CEP126: variants seen among roughly 807,000 people sequenced by gnomAD.
The protein encoded by CEP126 is centrosomal protein of 126 kDa.
A neutral mutation model predicts 107.8 loss-of-function variants in CEP126; 74 were observed. That is an observed-to-expected ratio of 0.69 (90% CI 0.57 to 0.83). The LOEUF is 0.83. Among genes scored for constraint, CEP126 ranks in the 40% least tolerant of loss-of-function variants. The probability of loss-of-function intolerance (pLI) is 0.00; values close to 1 mark genes in which losing one functional copy is unlikely to be tolerated. For synonymous variants in CEP126, 449 were observed against 446.0 expected (o/e 1.01, Z -0.08); for missense variants, 1,237 against 1,281.9 (o/e 0.96, Z 0.53).
chr11:101,969,605 AT>A (rs1170755634), intron 6 of CEP126, among the ~76,000 whole-genome samples: 2 of 152,232 alleles, frequency 1.3e-5, no homozygotes, highest in African/African-American at 4.8e-5. Flanking sequence ...TTCCAATAGG[AT>A]TTTTGTGAAA....
rs1046825595 is a variant in CEP126 at position 101,986,761 on chromosome 11, T to G, written c.3035-71T>G. On this transcript the variant is annotated intron_variant, in intron 8 of 10. Coordinates refer to ENST00000263468, the MANE Select transcript of CEP126 (RefSeq NM_020802.4). ...AGACAGTTAAGCATGTATAAGTATA[T>G]GTAAGTATATATAAGGGCTGATCTC... 8.5e-6 allele frequency: 9 copies of G among 1,060,458 alleles called. No individual in the cohort carries two copies. In the African/African-American group the frequency reaches 9.5e-5, roughly 11 times the overall value. 65.7% of individuals were successfully genotyped at this position (1,060,458 alleles called of 1,614,324 possible). A position where few individuals can be genotyped will look rare whatever the true frequency, so the allele number is the denominator to read the frequency against.
intron 10 of CEP126, 85 bp downstream of exon 10, chr11:101,992,927 T>A (rs1457986082): frequency 8.2e-7 from 1 of 1,212,198 alleles, no homozygotes; most frequent in African/African-American, 1.6e-5. Context: ...GAACCCCGTA[T>A]TAATATTAAT....
Position 101,997,491 on chromosome 11 carries a change from T to C in CEP126, c.3310-108T>C. 7.8e-6 allele frequency: 12 copies of C among 1,547,836 alleles called. No individual in the cohort carries two copies. In the South Asian group the frequency reaches 9.5e-5, roughly 12 times the overall value. The stretch of plus-strand genomic sequence containing the variant: ...ATCTTAAACTCATTACCTGGGAGAA[T>C]GATGTCAGGATGTGTTGAATATGCC... On this transcript the variant is annotated intron_variant, in intron 10 of 10. Coordinates refer to ENST00000263468, the MANE Select transcript of CEP126 (RefSeq NM_020802.4).
At chr11:101,952,269 C>G (rs1434984539) in intron 4 of CEP126, among the ~76,000 whole-genome samples, 1 of 152,064 alleles carries the variant, frequency 6.6e-6, no homozygotes, top group Non-Finnish European at 1.5e-5. Context: ...GGAAAAGAAG[C>G]CGTGAGTTAG....
At chr11:101,976,772 T>G (rs1374191958) in intron 6 of CEP126, among the ~76,000 whole-genome samples, 1 of 152,182 alleles carries the variant, frequency 6.6e-6, no homozygotes, top group Non-Finnish European at 1.5e-5. Flanking sequence ...GCTCAGAAGG[T>G]TAACTACTCT....
At chr11:101,990,225 T>C (rs1005146406) in intron 9 of CEP126, among the ~76,000 whole-genome samples, 3 of 152,024 alleles carry the variant, frequency 2.0e-5, no homozygotes, top group East Asian at 1.9e-4. Context: ...ATGAGGCAAA[T>C]AGGAGGCAGA....
In CEP126 at chr11:102,000,298, T is replaced by C. The variant is rs1158841740; in HGVS notation, c.*2655T>C. On this transcript the variant is annotated 3_prime_UTR_variant, in exon 11 of 11. Transcript: ENST00000263468. The stretch of plus-strand genomic sequence containing the variant: ...CTTCAAGTTCTAAGGAAGAAAAGAG[T>C]CTCCTTTCGAATGTGAAGAAGTAAA... 6.6e-6 allele frequency: 1 copy of C among 151,582 alleles called. No homozygotes were observed. The highest frequency in any genetic ancestry group is 1.5e-5 in the Non-Finnish European group (1 of 67,902). 9.4% of individuals were successfully genotyped at this position (151,582 alleles called of 1,614,324 possible).
intron 10 of CEP126, among the ~76,000 whole-genome samples, chr11:101,995,352 C>T (rs1941430330): frequency 6.6e-6 from 1 of 152,068 alleles, no homozygotes; most frequent in Non-Finnish European, 1.5e-5. Context: ...ACTAACTTCA[C>T]ATAGAAACAT....
intron 6 of CEP126, among the ~76,000 whole-genome samples, chr11:101,969,977 A>G (rs1175551562): frequency 6.6e-6 from 1 of 152,208 alleles, no homozygotes; most frequent in Non-Finnish European, 1.5e-5. Context: ...TTGGAAGCTA[A>G]TATAGGTAAT....
intron 10 of CEP126, among the ~76,000 whole-genome samples, chr11:101,995,094 A>G (rs1009022649): frequency 6.6e-6 from 1 of 151,662 alleles, no homozygotes; most frequent in African/African-American, 2.4e-5. Context: ...TCATTGTTCA[A>G]CTCCCACTTA....
chr11:101,933,324 A>G (rs574610352), intron 2 of CEP126, among the ~76,000 whole-genome samples: 2 of 152,300 alleles, frequency 1.3e-5, no homozygotes, highest in Admixed American at 1.3e-4. Context: ...AATTCGTGTT[A>G]CATGTGGAAG....
At chr11:101,945,667 T>G (rs1591277269) in intron 3 of CEP126, among the ~76,000 whole-genome samples, 1 of 152,162 alleles carries the variant, frequency 6.6e-6, no homozygotes, top group East Asian at 1.9e-4. Flanking sequence ...AGAAGGATCA[T>G]CTGTCACTCG....
rs761812843 is a variant in CEP126 at position 101,915,236 on chromosome 11, C to A, written c.-49C>A. 12 of 1,607,956 alleles carry A rather than the reference C, an allele frequency of 7.5e-6. No homozygotes were observed. The highest frequency in any genetic ancestry group is 9.3e-6 in the Non-Finnish European group (11 of 1,177,068). On this transcript the variant is annotated 5_prime_UTR_variant, in exon 1 of 11. Transcript: ENST00000263468. ...AGGAGGAGGAGGAAGCCGGAGCTGCCATGAGGGAGGTTCTGGGGGCGAGCA... is the reference window on the plus strand; with the variant it reads ...AGGAGGAGGAGGAAGCCGGAGCTGCAATGAGGGAGGTTCTGGGGGCGAGCA...
chr11:101,966,084 G>C (rs1196386281), intron 6 of CEP126, among the ~76,000 whole-genome samples: 2 of 152,146 alleles, frequency 1.3e-5, no homozygotes, highest in African/African-American at 2.4e-5. Context: ...TTAGTCAAAG[G>C]AGGTAGTTCT....
At chr11:101,938,171 A>AAAAAAAAAAAAAAAAAAAC (rs1307777067) in intron 2 of CEP126, among the ~76,000 whole-genome samples, 2 of 144,522 alleles carry the variant, frequency 1.4e-5, no homozygotes, top group African/African-American at 5.1e-5. Context: ...AAAAAAAAAA[A>AAAAAAAAAAAAAAAAAAAC]AAAAATACAA....
At chr11:101,944,135 T>C in intron 2 of CEP126, 130 bp from the exon 3 acceptor site, 2 of 870,502 alleles carry the variant, frequency 2.3e-6, no homozygotes. Context: ...TTTTAAAAAA[T>C]TTAAAATTTG....
At chr11:101,977,218 A>G (rs1941201320) in intron 6 of CEP126, among the ~76,000 whole-genome samples, 1 of 152,130 alleles carries the variant, frequency 6.6e-6, no homozygotes, top group Admixed American at 6.6e-5. Context: ...ATTATGTGGC[A>G]AAGAGTTTGT....
In CEP126 at chr11:101,986,671, T is replaced by A. The variant is rs139662120; in HGVS notation, c.3035-161T>A. On this transcript the variant is annotated intron_variant, in intron 8 of 10. Transcript: ENST00000263468. ...GGATAGGAAAATGCTAGATAGAGGA[T>A]CCTGATAAATGAAATCAAAGTAGCA... is the stretch of plus-strand genomic sequence containing the variant. Among the ~76,000 whole-genome samples the A allele has an allele frequency of 2.0e-5, 3 of 152,302 alleles. No individual in the cohort carries two copies. In the East Asian group the frequency reaches 5.8e-4, roughly 29 times the overall value.
chr11:101,933,300 T>TC (rs754473516), intron 2 of CEP126, among the ~76,000 whole-genome samples: 17 of 152,156 alleles, frequency 1.1e-4, no homozygotes, highest in Admixed American at 2.6e-4. Flanking sequence ...AGCTTAGGAT[T>TC]CCATGGGAAA....
Sources: allele counts gnomAD v4.1 joint callset (sites outside exome capture counted in the v4.1 genomes callset), GRCh38; gene constraint gnomAD v4.1.1; transcripts MANE v1.5; gene names NCBI Gene and HGNC (gene_info 2026-07-23, HGNC 2026-07-21).